C16orf96: variants seen among roughly 807,000 people sequenced by gnomAD.
The protein encoded by C16orf96 is chromosome 16 open reading frame 96, also known as uncharacterized protein C16orf96.
C16orf96 carries 108 observed loss-of-function variants against 103.6 expected under a neutral mutation model. The ratio of observed to expected loss-of-function variants is 1.04; its 90% CI spans 0.89 to 1.22. The LOEUF (loss-of-function observed/expected upper bound fraction) is 1.22. Ranked by LOEUF, C16orf96 falls within the 50% of genes most tolerant of loss-of-function variation. The pLI, the probability that C16orf96 is intolerant of heterozygous loss-of-function variation, is 0.00. For synonymous variants in C16orf96, 566 were observed against 593.5 expected (o/e 0.95, Z 0.67); for missense variants, 1,586 against 1,464.2 (o/e 1.08, Z -1.36).
rs1441769834 is a variant in C16orf96, at chr16:4,600,636, G to C, written c.*319G>C. On this transcript the variant is annotated 3_prime_UTR_variant, in exon 16 of 16. Transcript: ENST00000444310. ...TGCTGGGGCCCTGGATAGAGGGGAG[G>C]GGTCTGTGTAGGGGACCCCCATGCT... The C allele has an allele frequency of 5.0e-6, 2 of 401,150 alleles. No individual in the cohort carries two copies. Among genetic ancestry groups the C allele is most frequent in the Non-Finnish European group, 9.4e-6 (2 of 213,292 alleles). 24.8% of individuals were successfully genotyped at this position (401,150 alleles called of 1,614,324 possible).
intron 9 of C16orf96, among the ~76,000 whole-genome samples, chr16:4,590,685 C>A (rs1251361759): frequency 1.3e-5 from 2 of 149,408 alleles, no homozygotes; most frequent in Non-Finnish European, 3.0e-5. Context: ...GAGTTTGAGA[C>A]CAGCCTGGCC....
chr16:4,545,268 G>A, the C16orf96 span, among the ~76,000 whole-genome samples: 62,330 of 151,994 alleles, frequency 0.41, 14,560 homozygotes, highest in African/African-American at 0.64. Context: ...GTGCAGTGGC[G>A]CGATGATAGC....
At chr16:4,598,871 A>G (rs1290885246) in intron 14 of C16orf96, among the ~76,000 whole-genome samples, 1 of 151,984 alleles carries the variant, frequency 6.6e-6, no homozygotes, top group Non-Finnish European at 1.5e-5. Flanking sequence ...TAATTTCACC[A>G]CTTTGGGAGG....
At chr16:4,547,638 G>T in the C16orf96 span, among the ~76,000 whole-genome samples, 62 of 114,684 alleles carry the variant, frequency 5.4e-4, no homozygotes, top group Non-Finnish European at 7.8e-4. Context: ...CTTTCTTTCT[G>T]TCTTTCTTTC....
chr16:4,541,769 C>T, the C16orf96 span, among the ~76,000 whole-genome samples: 1 of 152,144 alleles, frequency 6.6e-6, no homozygotes, highest in Non-Finnish European at 1.5e-5. Flanking sequence ...CAGCTGTGCT[C>T]AGTTAGCTTG....
upstream of C16orf96, among the ~76,000 whole-genome samples, chr16:4,553,358 A>G (rs2059238972): frequency 6.6e-6 from 1 of 152,194 alleles, no homozygotes; most frequent in Admixed American, 6.5e-5. Context: ...CTGCCAGATC[A>G]GTTCTGGTCA....
At chr16:4,579,881 G>T in intron 6 of C16orf96, 134 bp from the exon 7 acceptor site, 1 of 687,658 alleles carries the variant, frequency 1.5e-6, no homozygotes. Context: ...AAAGTGCTGG[G>T]ATTACAGGCA....
chr16:4,579,280 C>T (rs948508650), intron 6 of C16orf96, among the ~76,000 whole-genome samples: 1 of 151,918 alleles, frequency 6.6e-6, no homozygotes, highest in Admixed American at 6.6e-5. Flanking sequence ...GAAGCCGGTG[C>T]GGTGGCTCAT....
At chr16:4,590,862 T>TA (rs34497616) in intron 9 of C16orf96, among the ~76,000 whole-genome samples, 21,486 of 92,752 alleles carry the variant, frequency 0.23, 1,792 homozygotes, top group Middle Eastern at 0.38. Context: ...CTACTAAAAG[T>TA]AAAAAAAAAA....
the C16orf96 span, among the ~76,000 whole-genome samples, chr16:4,547,697 TTTCTTTCTTTCTTTCTTTCTTTC>T: frequency 2.9e-5 from 1 of 34,744 alleles, no homozygotes; most frequent in African/African-American, 7.9e-5. Flanking sequence ...TCCTTCTTTC[TTTCTTTCTTTCTTTCTTTCTTTC>T]TTTCTTTCTT....
intron 1 of C16orf96, 83 bp downstream of exon 1, chr16:4,556,992 C>G: frequency 7.2e-7 from 1 of 1,388,416 alleles, no homozygotes; most frequent in Non-Finnish European, 9.5e-7. Context: ...GTTTTTGAGA[C>G]TCCGTCTCGC....
intron 1 of C16orf96, 51 bp downstream of exon 1, chr16:4,556,960 T>G: frequency 6.8e-7 from 1 of 1,468,512 alleles, no homozygotes; most frequent in African/African-American, 1.4e-5. Flanking sequence ...CCACTGGCTC[T>G]CTCCTGGGAC....
rs1406459262 is a variant in C16orf96 at position 4,574,659 on chromosome 16, G to T, written c.526-50G>T. On this transcript the variant is annotated intron_variant, in intron 2 of 15. Transcript: ENST00000444310. Reference sequence around the variant, plus strand: ...ACCTAGAGCCACGGGAAAAGGCAGGGGTGGGACAGAACCTGGACCCCCAGT... The same window carrying T: ...ACCTAGAGCCACGGGAAAAGGCAGGTGTGGGACAGAACCTGGACCCCCAGT... 6.2e-6 allele frequency: 9 copies of T among 1,440,402 alleles called. No homozygotes were observed. The South Asian group carries it at 9.8e-5, about 16-fold the overall frequency. The allele number at this position is 1,440,402 out of a possible 1,614,324, so 89.2% of individuals were successfully genotyped here.
the C16orf96 span, among the ~76,000 whole-genome samples, chr16:4,542,903 T>C: frequency 6.6e-6 from 1 of 152,210 alleles, no homozygotes; most frequent in Non-Finnish European, 1.5e-5. Context: ...CAGTCACATT[T>C]CAGGGGCTCA....
chr16:4,591,902 G>A (rs1328790123), intron 10 of C16orf96, 118 bp downstream of exon 10: 1 of 828,670 alleles, frequency 1.2e-6, no homozygotes, highest in Non-Finnish European at 2.0e-6. Context: ...ATGGGGGCTT[G>A]GCTGTGGCTG....
chr16:4,594,700 A>C lies in C16orf96; in HGVS notation c.3028-4A>C. Reference sequence around the variant, plus strand: ...CCTAACCCGGGACCTGGGCCATCCAACAGGCCGAGGTGGACATCCTGGGCG... The same window carrying C: ...CCTAACCCGGGACCTGGGCCATCCACCAGGCCGAGGTGGACATCCTGGGCG... On this transcript the variant is annotated splice_region_variant and splice_polypyrimidine_tract_variant and intron_variant, in intron 13 of 15. Coordinates refer to ENST00000444310, the MANE Select transcript of C16orf96 (RefSeq NM_001145011.2). The C allele has an allele frequency of 1.3e-6, 2 of 1,551,190 alleles. No homozygotes were observed. The highest frequency in any genetic ancestry group is 1.7e-6 in the Non-Finnish European group (2 of 1,146,894).
At chr16:4,547,385 C>T in the C16orf96 span, among the ~76,000 whole-genome samples, 1 of 148,816 alleles carries the variant, frequency 6.7e-6, no homozygotes, top group Admixed American at 6.6e-5. Context: ...AATCCACCCA[C>T]CTTGGCCTCC....
At chr16:4,547,746 G>GCTTC in the C16orf96 span, among the ~76,000 whole-genome samples, 2 of 109,494 alleles carry the variant, frequency 1.8e-5, no homozygotes, top group African/African-American at 9.2e-5. Flanking sequence ...CTCCTTCCTT[G>GCTTC]CTTCCTTCCT....
intron 1 of C16orf96, among the ~76,000 whole-genome samples, chr16:4,569,886 A>G (rs1327448328): frequency 6.6e-6 from 1 of 152,070 alleles, no homozygotes; most frequent in Non-Finnish European, 1.5e-5. Context: ...CAGTCTCACC[A>G]GGAGGACATG....
Sources: allele counts gnomAD v4.1 joint callset (sites outside exome capture counted in the v4.1 genomes callset), GRCh38; gene constraint gnomAD v4.1.1; transcripts MANE v1.5; gene names NCBI Gene and HGNC (gene_info 2026-07-23, HGNC 2026-07-21).